Variants in CLCN3 observed in about 807,000 individuals in gnomAD.
The protein encoded by CLCN3 is Cl-/H+ antiporter 3.
Under a neutral mutation model 83.4 loss-of-function variants are expected in CLCN3, and 16 were observed. The ratio of observed to expected loss-of-function variants is 0.19; its 90% CI spans 0.13 to 0.29. The LOEUF is 0.29. Ranked by LOEUF, CLCN3 falls within the 10% of genes least tolerant of loss-of-function variation. The pLI is 1.00. For synonymous variants in CLCN3, 322 were observed against 346.2 expected, an observed-to-expected ratio of 0.93 and a Z score of 0.78; for missense variants, 544 against 1,006.0, an observed-to-expected ratio of 0.54 and a Z score of 6.21.
chr4:169,653,640 CAAAA>C (rs70964215), intron 2 of CLCN3, among the ~76,000 whole-genome samples: 1 of 73,620 alleles, frequency 1.4e-5, no homozygotes. Context: ...GACTCCGTCT[CAAAA>C]AAAAAAAAAA....
chr4:169,672,230 A>ATAGATAGATAGATAGG (rs1161284733), intron 2 of CLCN3, among the ~76,000 whole-genome samples: 1 of 151,520 alleles, frequency 6.6e-6, no homozygotes, highest in Non-Finnish European at 1.5e-5. Flanking sequence ...TGATAGATAG[A>ATAGATAGATAGATAGG]TAGATAGATA....
At chr4:169,714,005 G>A (rs1294528992) in intron 12 of CLCN3, among the ~76,000 whole-genome samples, 9 of 152,228 alleles carry the variant, frequency 5.9e-5, no homozygotes, top group African/African-American at 2.2e-4. Flanking sequence ...CACGGGGGTT[G>A]TGGAGACCTT....
intron 2 of CLCN3, among the ~76,000 whole-genome samples, chr4:169,668,665 G>T (rs1459439491): frequency 6.6e-6 from 1 of 151,760 alleles, no homozygotes; most frequent in African/African-American, 2.4e-5. Context: ...CCAGGAGATA[G>T]TAGAGTTAGG....
chr4:169,660,466 C>T, intron 2 of CLCN3: 2 of 1,301,552 alleles, frequency 1.5e-6, no homozygotes. Flanking sequence ...TATCCCCTTG[C>T]TGTGAATTCT....
At chr4:169,640,719 T>C (rs1730389129) in intron 2 of CLCN3, among the ~76,000 whole-genome samples, 1 of 152,178 alleles carries the variant, frequency 6.6e-6, no homozygotes, top group Non-Finnish European at 1.5e-5. Flanking sequence ...ACCATATGGC[T>C]CTTGACTCAT....
intron 1 of CLCN3, among the ~76,000 whole-genome samples, chr4:169,633,122 C>T (rs1773420887): frequency 6.6e-6 from 1 of 152,146 alleles, no homozygotes; most frequent in African/African-American, 2.4e-5. Flanking sequence ...AAGCGATTTT[C>T]ATGCCTCAGG....
intron 1 of CLCN3, among the ~76,000 whole-genome samples, chr4:169,623,801 A>G (rs1417557738): frequency 6.6e-6 from 1 of 151,898 alleles, no homozygotes; most frequent in Non-Finnish European, 1.5e-5. Flanking sequence ...TTCACTTAGC[A>G]TTATGTCCTC....
At chr4:169,623,083 CAG>C (rs35729683) in intron 1 of CLCN3, among the ~76,000 whole-genome samples, 25,742 of 152,030 alleles carry the variant, frequency 0.17, 2,774 homozygotes, top group South Asian at 0.31. Flanking sequence ...TGTTGAAATC[CAG>C]AGAGATTTGA....
rs537636051 is a variant in CLCN3 at position 169,692,397 on chromosome 4, G to T, written c.936+77G>T. The stretch of plus-strand genomic sequence containing the variant: ...TTATTTAAGTAAAGAATTTCTTAGT[G>T]TAAAAATAATAAATTCTGTATTCAG... On this transcript the variant is annotated intron_variant, in intron 7 of 12. Transcript: ENST00000513761. 6 of 636,840 alleles carry T rather than the reference G, an allele frequency of 9.4e-6. No individual in the cohort carries two copies. The East Asian group carries it at 1.8e-4, about 20-fold the overall frequency. The allele number at this position is 636,840 out of a possible 1,614,324, so 39.4% of individuals were successfully genotyped here.
chr4:169,637,036 AAC>A (rs1730230838), intron 2 of CLCN3, among the ~76,000 whole-genome samples: 1 of 152,150 alleles, frequency 6.6e-6, no homozygotes, highest in South Asian at 2.1e-4. Context: ...TATACATGAT[AAC>A]AGTTTTTAAA....
At chr4:169,687,531 AC>A in intron 3 of CLCN3, 126 bp from the exon 4 acceptor site, 1 of 565,208 alleles carries the variant, frequency 1.8e-6, no homozygotes, top group Admixed American at 3.5e-5. Flanking sequence ...CTCCAGACTT[AC>A]CTTTTCCATT....
At chr4:169,693,227 C>T (rs188918095) in intron 7 of CLCN3, among the ~76,000 whole-genome samples, 17 of 152,094 alleles carry the variant, frequency 1.1e-4, no homozygotes, top group African/African-American at 3.9e-4. Flanking sequence ...TTTTAATGTT[C>T]GCATTAAAAT....
intron 8 of CLCN3, among the ~76,000 whole-genome samples, chr4:169,695,939 C>T (rs1178638975): frequency 6.6e-6 from 1 of 152,118 alleles, no homozygotes; most frequent in African/African-American, 2.4e-5. Flanking sequence ...ACTTTGTTGA[C>T]ATATTTAAAA....
intron 7 of CLCN3, among the ~76,000 whole-genome samples, chr4:169,694,959 T>G (rs957538953): frequency 2.6e-5 from 4 of 152,202 alleles, no homozygotes; most frequent in African/African-American, 4.8e-5. Flanking sequence ...TACCAACTGA[T>G]AGACTGGGGA....
intron 6 of CLCN3, 92 bp downstream of exon 6, chr4:169,690,744 A>T: frequency 8.0e-7 from 1 of 1,248,288 alleles, no homozygotes; most frequent in Non-Finnish European, 1.1e-6. Context: ...TTCTGGAGGG[A>T]GGGGATAGTT....
At chr4:169,712,425 T>C (rs925430418) in intron 11 of CLCN3, among the ~76,000 whole-genome samples, 1 of 152,098 alleles carries the variant, frequency 6.6e-6, no homozygotes, top group Non-Finnish European at 1.5e-5. Flanking sequence ...ACAGAAGAAC[T>C]TGAAGCAGAG....
intron 9 of CLCN3, among the ~76,000 whole-genome samples, chr4:169,698,274 CAATT>C (rs1732645513): frequency 6.6e-6 from 1 of 152,146 alleles, no homozygotes; most frequent in African/African-American, 2.4e-5. Flanking sequence ...TTTAAGTGTA[CAATT>C]AAATTATTGA....
intron 11 of CLCN3, among the ~76,000 whole-genome samples, chr4:169,710,564 C>A (rs1002708909): frequency 6.6e-6 from 1 of 152,080 alleles, no homozygotes; most frequent in Non-Finnish European, 1.5e-5. Flanking sequence ...CCACACCTGG[C>A]GAAAAGTGTT....
At chr4:169,692,926 A>G (rs373910416) in intron 7 of CLCN3, among the ~76,000 whole-genome samples, 149 of 152,306 alleles carry the variant, frequency 9.8e-4, no homozygotes, top group African/African-American at 3.3e-3. Flanking sequence ...GAAACCTTAT[A>G]TATATTATGG....
Sources: allele counts gnomAD v4.1 joint callset (sites outside exome capture counted in the v4.1 genomes callset), GRCh38; gene constraint gnomAD v4.1.1; transcripts MANE v1.5; gene names NCBI Gene and HGNC (gene_info 2026-07-23, HGNC 2026-07-21).